GPHN: variants seen among roughly 807,000 people sequenced by gnomAD.
The protein encoded by GPHN is gephyrin.
In GPHN, 17 loss-of-function variants were observed where a neutral mutation model predicts 95.5. The ratio of observed to expected loss-of-function variants is 0.18; its 90% CI spans 0.12 to 0.27. The LOEUF (loss-of-function observed/expected upper bound fraction) is 0.27. Among genes scored for constraint, GPHN ranks in the 10% least tolerant of loss-of-function variants. The pLI, the probability that GPHN is intolerant of heterozygous loss-of-function variation, is 1.00. For missense variants in GPHN, 660 were observed against 978.1 expected (o/e 0.67, Z 4.34); for synonymous variants, 320 against 322.5 (o/e 0.99, Z 0.08).
the GPHN span, among the ~76,000 whole-genome samples, chr14:67,401,144 G>T: frequency 2.6e-5 from 4 of 151,948 alleles, no homozygotes; most frequent in African/African-American, 9.7e-5. Flanking sequence ...AATTAAAATG[G>T]GGTCATTAGG....
chr14:66,711,004 A>G (rs1043292203), intron 2 of GPHN, among the ~76,000 whole-genome samples: 1 of 152,186 alleles, frequency 6.6e-6, no homozygotes, highest in Non-Finnish European at 1.5e-5. Flanking sequence ...AAACTTTATT[A>G]TGCAAATTTT....
At chr14:66,959,134 T>A (rs1271430504) in intron 8 of GPHN, among the ~76,000 whole-genome samples, 1 of 152,162 alleles carries the variant, frequency 6.6e-6, no homozygotes, top group Non-Finnish European at 1.5e-5. Context: ...TTTTCATAAA[T>A]TACCTATCAA....
chr14:66,678,327 C>G (rs1303690435), intron 1 of GPHN, among the ~76,000 whole-genome samples: 3 of 151,506 alleles, frequency 2.0e-5, no homozygotes, highest in Admixed American at 6.6e-5. Flanking sequence ...AACCTATCTT[C>G]AAGTACTAAA....
chr14:67,545,123 C>T, the GPHN span, among the ~76,000 whole-genome samples: 3 of 152,158 alleles, frequency 2.0e-5, no homozygotes, highest in Non-Finnish European at 4.4e-5. Context: ...AGCAATCAAG[C>T]TCTAGGGTGA....
At chr14:67,195,506 A>G in the GPHN span, among the ~76,000 whole-genome samples, 1 of 151,990 alleles carries the variant, frequency 6.6e-6, no homozygotes, top group Admixed American at 6.6e-5. Context: ...CCGTAGACAC[A>G]CCCTCCAGTA....
At chr14:67,730,844 T>A in the GPHN span, among the ~76,000 whole-genome samples, 5 of 152,168 alleles carry the variant, frequency 3.3e-5, no homozygotes, top group Non-Finnish European at 7.4e-5. Flanking sequence ...CGTCAGTTGA[T>A]CCACCTGCCT....
At chr14:66,818,041 TACTG>T (rs749352529) in intron 3 of GPHN, among the ~76,000 whole-genome samples, 24 of 152,154 alleles carry the variant, frequency 1.6e-4, no homozygotes, top group Non-Finnish European at 2.9e-4. Flanking sequence ...TTTCTAAACT[TACTG>T]ACCATGAGTA....
chr14:66,761,705 G>A (rs1228205834), intron 2 of GPHN, among the ~76,000 whole-genome samples: 1 of 151,032 alleles, frequency 6.6e-6, no homozygotes, highest in Non-Finnish European at 1.5e-5. Context: ...TGTGGCCCAG[G>A]CTGGAGTGTA....
chr14:66,790,550 G>A (rs534386991), intron 3 of GPHN, among the ~76,000 whole-genome samples: 2 of 152,296 alleles, frequency 1.3e-5, no homozygotes, highest in Non-Finnish European at 2.9e-5. Context: ...TTCCTGGAAG[G>A]TAGAGACCAA....
intron 2 of GPHN, among the ~76,000 whole-genome samples, chr14:66,683,334 ATATAT>A (rs2067062657): frequency 8.3e-5 from 3 of 36,224 alleles, no homozygotes; most frequent in Admixed American, 6.9e-4. Context: ...GTGGAAATAT[ATATAT>A]ATATATATAT....
At chr14:66,867,640 A>G (rs1242776248) in intron 4 of GPHN, among the ~76,000 whole-genome samples, 40 of 152,190 alleles carry the variant, frequency 2.6e-4, no homozygotes, top group Non-Finnish European at 1.8e-4. Flanking sequence ...AAATGAAATT[A>G]ATGTGTTTGT....
chr14:66,525,061 G>A (rs1214787632), intron 1 of GPHN, among the ~76,000 whole-genome samples: 2 of 152,118 alleles, frequency 1.3e-5, no homozygotes, highest in African/African-American at 4.8e-5. Context: ...CTAGATCCTT[G>A]AGGAATCACC....
At chr14:66,516,152 G>A (rs1034646989) in intron 1 of GPHN, among the ~76,000 whole-genome samples, 5 of 150,502 alleles carry the variant, frequency 3.3e-5, no homozygotes, top group Non-Finnish European at 5.9e-5. Context: ...GATTACAGGC[G>A]CCTGCCACCA....
chr14:66,756,000 A>C (rs2058542781), intron 2 of GPHN, among the ~76,000 whole-genome samples: 2 of 152,108 alleles, frequency 1.3e-5, no homozygotes, highest in South Asian at 4.1e-4. Flanking sequence ...TATCTGCTTA[A>C]TGTCTTCCTC....
chr14:67,436,783 C>T, the GPHN span, among the ~76,000 whole-genome samples: 1 of 152,178 alleles, frequency 6.6e-6, no homozygotes, highest in African/African-American at 2.4e-5. Context: ...AGGCCAGGCG[C>T]TGTGGCTCAC....
At chr14:67,612,647 A>G in the GPHN span, among the ~76,000 whole-genome samples, 1 of 152,166 alleles carries the variant, frequency 6.6e-6, no homozygotes, top group Non-Finnish European at 1.5e-5. Context: ...TTATGGTTTA[A>G]GAAAATAGGC....
At chr14:67,570,735 A>T in the GPHN span, 1 of 150,392 alleles carries the variant, frequency 6.6e-6, no homozygotes, top group Non-Finnish European at 1.5e-5. Context: ...CCTCCTTTTT[A>T]TTTTTCCGAG....
At position 67,086,649 on chromosome 14, in the gene GPHN, CAA is replaced by C. The variant is rs59947004; in HGVS notation, c.1145-2317_1145-2316del. Among the ~76,000 whole-genome samples, 423 of 84,530 alleles carry C rather than the reference CAA, an allele frequency of 5.0e-3. 3 individuals are homozygous for C. The highest frequency in any genetic ancestry group is 0.018 in the African/African-American group (373 of 20,312). 55.5% of individuals were successfully genotyped at this position (84,530 alleles called of 152,430 possible). ...CCTGGGCGACAGCGAGACTCTGTCT[CAA>C]AAAAAAAAAAAAAAAAGTTCTAAAA... On this transcript the variant is annotated intron_variant, in intron 11 of 22. Coordinates refer to ENST00000478722, the MANE Select transcript of GPHN (RefSeq NM_020806.5).
At position 66,508,258 on chromosome 14, in the gene GPHN, C is replaced by G. The variant is rs1184142950; in HGVS notation, c.-270C>G. On this transcript the variant is annotated 5_prime_UTR_variant, in exon 1 of 23. Transcript: ENST00000478722. The stretch of plus-strand genomic sequence containing the variant: ...TCCGCGCGCTCTCCCCGTGCGGCCA[C>G]CGCGCCCCCCAAGCTTGCCTCCTTC... 3 of 562,134 alleles carry G rather than the reference C, an allele frequency of 5.3e-6. No individual in the cohort carries two copies. Among genetic ancestry groups the G allele is most frequent in the Non-Finnish European group, 9.6e-6 (3 of 313,652 alleles). 34.8% of individuals were successfully genotyped at this position (562,134 alleles called of 1,614,324 possible).
Sources: gnomAD v4.1 joint callset for allele counts (sites outside exome capture counted in the v4.1 genomes callset) on GRCh38, gnomAD v4.1.1 for gene constraint, MANE v1.5 for transcripts, NCBI Gene and HGNC (gene_info 2026-07-23, HGNC 2026-07-21) for gene names.